The following ZNF397 variants were observed in gnomAD, a reference collection of about 807,000 sequenced individuals.
ZNF397 encodes zinc finger and SCAN domain-containing protein 15.
Under a neutral mutation model 50.6 loss-of-function variants are expected in ZNF397, and 38 were observed. That is an observed-to-expected ratio of 0.75 (90% CI 0.58 to 0.98). The LOEUF is 0.98. Ranked by LOEUF, ZNF397 falls within the 50% of genes least tolerant of loss-of-function variation. The probability of loss-of-function intolerance (pLI) is 0.00; values close to 1 mark genes in which losing one functional copy is unlikely to be tolerated. For missense variants in ZNF397, 624 were observed against 624.1 expected (o/e 1.00, Z 0.00); for synonymous variants, 228 against 215.2 (o/e 1.06, Z -0.52).
At chr18:35,254,411 C>T (rs370490893), downstream of ZNF397, 23 of 1,613,586 alleles carry the variant, frequency 1.4e-5, no homozygotes, top group Middle Eastern at 1.6e-4. Context: ...GTGTAAGTAT[C>T]ATTTACTTCC....
chr18:35,251,139 T>C (rs949029618), downstream of ZNF397: 8 of 152,214 alleles, frequency 5.3e-5, no homozygotes, highest in Non-Finnish European at 1.0e-4. Flanking sequence ...AATTTTGAAA[T>C]TAGTTACCAA....
rs147184212 is a variant in ZNF397 at position 35,243,440 on chromosome 18, A to G, written c.556+147A>G. The stretch of plus-strand genomic sequence containing the variant: ...GAGGTGCTCGCTTTAGCGGCTTTGT[A>G]TTCACCCCTCATGAATTGCTGTCAG... On this transcript the variant is annotated intron_variant, in intron 3 of 3. Coordinates refer to ENST00000330501, the MANE Select transcript of ZNF397 (RefSeq NM_001135178.3). The G allele has an allele frequency of 1.5e-4, 169 of 1,093,752 alleles. No individual in the cohort carries two copies. The East Asian group carries it at 4.1e-3, about 26-fold the overall frequency. The allele number at this position is 1,093,752 out of a possible 1,614,324, so 67.8% of individuals were successfully genotyped here.
chr18:35,243,776 G>A, intron 3 of ZNF397: 1 of 219,502 alleles, frequency 4.6e-6, no homozygotes, highest in South Asian at 8.1e-5. Context: ...TAGGTGGGAG[G>A]AGGAGTAGCC....
At chr18:35,244,491 C>G (rs760305188) in intron 3 of ZNF397, among the ~76,000 whole-genome samples, 1 of 151,828 alleles carries the variant, frequency 6.6e-6, no homozygotes, top group Non-Finnish European at 1.5e-5. Flanking sequence ...TAATGGAAGC[C>G]AAGGGTAGAG....
In ZNF397 at chr18:35,246,199, G is replaced by C. The variant is rs532044643; in HGVS notation, c.1494G>C (p.Gln498His). Residue 498 changes from glutamine (Q) to histidine (H), a missense_variant, in exon 4 of 4, where the codon CAG (glutamine) becomes CAC (histidine). Coordinates refer to ENST00000330501, the MANE Select transcript of ZNF397 (RefSeq NM_001135178.3). The stretch of plus-strand genomic sequence containing the variant: ...TCAAAAGGAGCTCAGCCCTTGTTCA[G>C]CATCAGAGAATTCATTCTGGGGATG... ...KTFKRSSALVQHQRIHSGDEA... is the reference protein window; with the variant it reads ...KTFKRSSALVHHQRIHSGDEA... 143 of 1,551,970 alleles carry C rather than the reference G, an allele frequency of 9.2e-5. No homozygotes were observed. In the African/African-American group the frequency reaches 1.8e-3, roughly 20 times the overall value.
chr18:35,245,641 C>G lies in ZNF397; in HGVS notation c.936C>G (p.Pro312=), dbSNP rs1471294901. 6.4e-7 allele frequency: 1 copy of G among 1,554,472 alleles called. No homozygotes were observed. Among genetic ancestry groups the G allele is most frequent in the Non-Finnish European group, 8.7e-7 (1 of 1,148,518 alleles). Residue 312 remains proline (P), a synonymous_variant, in exon 4 of 4, where the codon CCC becomes CCG. Coordinates refer to ENST00000330501, the MANE Select transcript of ZNF397 (RefSeq NM_001135178.3). ...AGAGAATCCATACTGGAGAAAAGCC[C>G]TATAAATGTAACCAGTGTGGGAAGG... ...QHQRIHTGEK[P]YKCNQCGKAF...
Position 35,246,095 on chromosome 18 carries a change from T to A in ZNF397, c.1390T>A (p.Leu464Met), listed in dbSNP as rs1288085646. Reference protein sequence around the residue: ...ECSECGKAFSLSSNLIRHQRI... With the variant: ...ECSECGKAFSMSSNLIRHQRI... ...TAGTGAATGTGGAAAAGCTTTCAGT[T>A]TGAGCTCAAACCTTATCAGACATCA... Residue 464 changes from leucine to methionine, a missense_variant, in exon 4 of 4, where the codon TTG becomes ATG. By Grantham distance (15) the Leu-to-Met change is conservative. Coordinates refer to ENST00000330501, the MANE Select transcript of ZNF397 (RefSeq NM_001135178.3). 1.9e-6 allele frequency: 3 copies of A among 1,554,672 alleles called. No homozygotes were observed. Among genetic ancestry groups the A allele is most frequent in the Non-Finnish European group, 2.6e-6 (3 of 1,148,836 alleles).
rs2043524547 is a variant in ZNF397 at position 35,248,926 on chromosome 18, T to G, written c.*2616T>G. 6.6e-6 allele frequency: 1 copy of G among 152,136 alleles called. No homozygotes were observed. The highest frequency in any genetic ancestry group is 6.6e-5 in the Admixed American group (1 of 15,252). The allele number at this position is 152,136 out of a possible 1,614,324, so 9.4% of individuals were successfully genotyped here. ...TATTATTGTTATTTCTCAGCACGTA[T>G]GTAGCAGATGAGGAAATGAAGGCTA... is the stretch of plus-strand genomic sequence containing the variant. On this transcript the variant is annotated 3_prime_UTR_variant, in exon 4 of 4. Transcript: ENST00000330501.
chr18:35,243,807 C>G (rs750149555), intron 3 of ZNF397: 1 of 181,282 alleles, frequency 5.5e-6, no homozygotes, highest in Non-Finnish European at 1.2e-5. Flanking sequence ...CCATACCATC[C>G]CGAAGGTGTG....
At position 35,247,109 on chromosome 18, in the gene ZNF397, A is replaced by G. The variant is rs956347463; in HGVS notation, c.*799A>G. 1.1e-5 allele frequency: 11 copies of G among 985,444 alleles called. No individual in the cohort carries two copies. Among genetic ancestry groups the G allele is most frequent in the African/African-American group, 1.7e-5 (1 of 57,234 alleles). 61.0% of individuals were successfully genotyped at this position (985,444 alleles called of 1,614,324 possible). A position where few individuals can be genotyped will look rare whatever the true frequency, so the allele number is the denominator to read the frequency against. ...AAAGAACAGTAGCCAAAGGCCAGAA[A>G]CAAAGTGTGGAGCATTCCTTGAGTT... On this transcript the variant is annotated 3_prime_UTR_variant, in exon 4 of 4. Transcript: ENST00000330501.
At chr18:35,254,204 C>T, downstream of ZNF397, 2 of 1,614,120 alleles carry the variant, frequency 1.2e-6, no homozygotes, top group South Asian at 1.1e-5. Flanking sequence ...GATTTTGTTC[C>T]CTGCAGCATT....
At chr18:35,255,815 T>C (rs899439206) in intron 5 of ZNF397, 1 of 154,368 alleles carries the variant, frequency 6.5e-6, no homozygotes, top group Admixed American at 6.5e-5. Flanking sequence ...GGATTTTAGA[T>C]AGAAATTTAA....
intron 5 of ZNF397, among the ~76,000 whole-genome samples, chr18:35,256,485 AG>A: frequency 6.6e-6 from 1 of 152,156 alleles, no homozygotes; most frequent in Non-Finnish European, 1.5e-5. Flanking sequence ...CACTTGAACC[AG>A]GGACGTGGAG....
intron 1 of ZNF397, chr18:35,241,353 A>G (rs965047597): frequency 1.3e-5 from 2 of 152,026 alleles, no homozygotes; most frequent in South Asian, 2.1e-4. Flanking sequence ...ATATAAAAAT[A>G]GAAGGGCTAG....
Position 35,245,592 on chromosome 18 carries a change from A to C in ZNF397, c.887A>C (p.Gln296Pro). The stretch of plus-strand genomic sequence containing the variant: ...GATGTATGTGGGCACAGCTTCAAGC[A>C]GCATTCCTCTCTAACACAACATCAG... ...RCDVCGHSFK[Q>P]HSSLTQHQRI... Residue 296 changes from glutamine (Q) to proline (P), a missense_variant, in exon 4 of 4, where the codon CAG becomes CCG. Physicochemically the swap from Gln to Pro is moderately conservative, Grantham distance 76. Coordinates refer to ENST00000330501, the MANE Select transcript of ZNF397 (RefSeq NM_001135178.3). 1 of 1,553,278 alleles carries C rather than the reference A, an allele frequency of 6.4e-7. No homozygotes were observed. Among genetic ancestry groups the C allele is most frequent in the Non-Finnish European group, 8.7e-7 (1 of 1,147,676 alleles).
At position 35,242,713 on chromosome 18, in the gene ZNF397, A is replaced by G; in HGVS notation, c.243A>G (p.Pro81=). The G allele has an allele frequency of 3.1e-6, 5 of 1,614,264 alleles. No individual in the cohort carries two copies. The highest frequency in any genetic ancestry group is 3.4e-6 in the Non-Finnish European group (4 of 1,180,042). The change falls in exon 2 of 4, where the codon CCA becomes CCG. Residue 81 remains proline, a synonymous_variant. Coordinates refer to ENST00000330501, the MANE Select transcript of ZNF397 (RefSeq NM_001135178.3). ...LQELCYQWLM[P]ELHTKEQILE... ...AACTTTGCTATCAGTGGCTAATGCC[A>G]GAGTTGCACACAAAGGAGCAGATCT...
At chr18:35,253,676 T>A, downstream of ZNF397, 2 of 1,614,144 alleles carry the variant, frequency 1.2e-6, no homozygotes, top group Non-Finnish European at 1.7e-6. Context: ...ACCAAAAGCC[T>A]TACCACATGC....
chr18:35,253,393 C>G (rs2043663466), downstream of ZNF397: 11 of 1,443,984 alleles, frequency 7.6e-6, no homozygotes, highest in Middle Eastern at 1.8e-4. Context: ...TCTGTGGAGT[C>G]TCACCCCTAC....
chr18:35,259,214 G>C (rs2043950609), downstream of ZNF397: 1 of 152,100 alleles, frequency 6.6e-6, no homozygotes, highest in African/African-American at 2.4e-5. Context: ...TTGTTGTTGA[G>C]ATAGTCTCAC....
Sources: gnomAD v4.1 joint callset for allele counts (sites outside exome capture counted in the v4.1 genomes callset) on GRCh38, gnomAD v4.1.1 for gene constraint, MANE v1.5 for transcripts, NCBI Gene and HGNC (gene_info 2026-07-23, HGNC 2026-07-21) for gene names.